Variants in RHCG observed in about 807,000 individuals in gnomAD.
RHCG encodes Rh family C glycoprotein, also known as ammonium transporter Rh type C.
Under a neutral mutation model 55.3 loss-of-function variants are expected in RHCG, and 39 were observed. The observed-to-expected ratio is 0.70, with a 90% CI of 0.55 to 0.92. The LOEUF is 0.92. Ranked by LOEUF, RHCG falls within the 40% of genes least tolerant of loss-of-function variation. RHCG has a pLI of 0.00. For missense variants in RHCG, 635 were observed against 627.9 expected (o/e 1.01, Z -0.12); for synonymous variants, 250 against 246.8 (o/e 1.01, Z -0.12).
chr15:89,476,919 G>T (rs1037190426), intron 8 of RHCG, 91 bp from the exon 9 acceptor site: 1 of 1,534,086 alleles, frequency 6.5e-7, no homozygotes, highest in Non-Finnish European at 9.0e-7. Flanking sequence ...TCCTCCTGGG[G>T]CCCTTGGGCT....
chr15:89,482,084 G>C (rs529730524), intron 3 of RHCG, among the ~76,000 whole-genome samples: 1 of 152,338 alleles, frequency 6.6e-6, no homozygotes, highest in South Asian at 2.1e-4. Context: ...TTACAGGCGT[G>C]AGCCACCGTG....
chr15:89,477,486 C>T lies in RHCG; in HGVS notation c.1112+31G>A, dbSNP rs983609581. 3.1e-6 allele frequency: 5 copies of T among 1,611,064 alleles called. No individual in the cohort carries two copies. The African/African-American group carries it at 4.0e-5, about 13-fold the overall frequency. On this transcript the variant is annotated intron_variant, in intron 7 of 10. Transcript: ENST00000268122. This position sits in a 1 kb window ranked among gnomAD's most constrained non-coding sequence, Gnocchi z 4.5. ...AGGGATGGGAGAAGGAAGGGGGAAGCTCCATCCCACCGCACCTCCTCCACA... is the reference window on the plus strand; with the variant it reads ...AGGGATGGGAGAAGGAAGGGGGAAGTTCCATCCCACCGCACCTCCTCCACA...
intron 1 of RHCG, among the ~76,000 whole-genome samples, chr15:89,495,003 A>C (rs1961540611): frequency 1.3e-5 from 2 of 152,144 alleles, no homozygotes; most frequent in Admixed American, 1.3e-4. Flanking sequence ...GAGGAGAGGA[A>C]AGGTGGACAA....
intron 2 of RHCG, among the ~76,000 whole-genome samples, chr15:89,484,300 A>G (rs1174770342): frequency 6.6e-6 from 1 of 152,206 alleles, no homozygotes; most frequent in Non-Finnish European, 1.5e-5. Flanking sequence ...CCTAAGTGCT[A>G]GGCTCTGGGG....
At chr15:89,492,780 G>A (rs1190773975) in intron 1 of RHCG, among the ~76,000 whole-genome samples, 1 of 152,218 alleles carries the variant, frequency 6.6e-6, no homozygotes, top group Non-Finnish European at 1.5e-5. Context: ...AACTAATATA[G>A]GGAGAGGTGA....
At chr15:89,472,996 C>G in intron 9 of RHCG, 133 bp from the exon 10 acceptor site, 1 of 1,052,804 alleles carries the variant, frequency 9.5e-7, no homozygotes, top group South Asian at 2.0e-5. Flanking sequence ...TCACATGCCA[C>G]GGAGAGCAGG....
chr15:89,489,489 A>G (rs1004862071), intron 1 of RHCG, among the ~76,000 whole-genome samples: 3 of 152,160 alleles, frequency 2.0e-5, no homozygotes, highest in Non-Finnish European at 4.4e-5. Flanking sequence ...ATTATTTCCA[A>G]GTAAACAGTC....
rs1961167834 is a variant in RHCG, at chr15:89,477,207, C to A, written c.1113-1G>T. ...TTGAAAGTCAAAGGAATGGACAAGCCTGGGGTGGAGACAGGGGGCAGGTCA... is the reference window on the plus strand; with the variant it reads ...TTGAAAGTCAAAGGAATGGACAAGCATGGGGTGGAGACAGGGGGCAGGTCA... On this transcript the variant is annotated splice_acceptor_variant, in intron 7 of 10. Coordinates refer to ENST00000268122, the MANE Select transcript of RHCG (RefSeq NM_016321.3). LOFTEE classifies it high-confidence loss of function. This position sits in a 1 kb window ranked among gnomAD's most constrained non-coding sequence, Gnocchi z 4.5. 3 of 1,613,986 alleles carry A rather than the reference C, an allele frequency of 1.9e-6. No individual in the cohort carries two copies. The highest frequency in any genetic ancestry group is 1.7e-6 in the Non-Finnish European group (2 of 1,179,990).
chr15:89,472,217 T>C (rs1207769445), intron 10 of RHCG, among the ~76,000 whole-genome samples: 2 of 152,174 alleles, frequency 1.3e-5, no homozygotes, highest in East Asian at 3.8e-4. Context: ...TGTAGAGATC[T>C]TGGGAAGGTT....
intron 1 of RHCG, 144 bp downstream of exon 1, chr15:89,496,217 G>A (rs2141906354): frequency 2.6e-6 from 2 of 763,514 alleles, no homozygotes; most frequent in East Asian, 2.5e-5. Flanking sequence ...AATTTCCCAC[G>A]CATGCCCTGC....
At chr15:89,494,862 C>T (rs779550907) in intron 1 of RHCG, among the ~76,000 whole-genome samples, 1 of 152,058 alleles carries the variant, frequency 6.6e-6, no homozygotes, top group East Asian at 1.9e-4. Flanking sequence ...GACCTGTGAA[C>T]GCCCATGGGA....
At chr15:89,474,223 G>A (rs1567223710) in intron 9 of RHCG, among the ~76,000 whole-genome samples, 1 of 152,150 alleles carries the variant, frequency 6.6e-6, no homozygotes, top group Non-Finnish European at 1.5e-5. Flanking sequence ...AGGGTGACAG[G>A]ATTTCTATTT....
chr15:89,483,007 A>G (rs556448298), intron 3 of RHCG, 60 bp downstream of exon 3: 249 of 1,469,066 alleles, frequency 1.7e-4, no homozygotes, highest in Admixed American at 5.5e-4. Context: ...CTATTTCTCC[A>G]TACCCTGCTG....
At chr15:89,493,742 G>C (rs1318361688) in intron 1 of RHCG, among the ~76,000 whole-genome samples, 2 of 152,182 alleles carry the variant, frequency 1.3e-5, no homozygotes, top group Admixed American at 1.3e-4. Context: ...GACTAGGGAG[G>C]AGAGTGGGCC....
Position 89,472,738 on chromosome 15 carries a change from G to A in RHCG, c.1437C>T (p.Pro479=). 1.9e-6 allele frequency: 3 copies of A among 1,604,854 alleles called. 1 individual carries two copies. The South Asian group carries it at 3.4e-5, about 18-fold the overall frequency. The change falls in exon 10 of 11, where the codon CCC becomes CCT. Residue 479 remains proline (P), a synonymous_variant. Transcript: ENST00000268122. ...GCTCCTCACCTGCCCTGGGAGCCTA[G>A]GGTACCAAGGGTACCGAGGAAGCCA... ...LPMASSVPLV[P] is the part of the protein sequence containing the mutation.
At chr15:89,485,448 A>G (rs1044764413) in intron 2 of RHCG, among the ~76,000 whole-genome samples, 2 of 152,216 alleles carry the variant, frequency 1.3e-5, no homozygotes, top group Admixed American at 6.5e-5. Context: ...GGTTTGGATG[A>G]AGTAACTTTT....
At chr15:89,496,107 G>A (rs545639617) in intron 1 of RHCG, among the ~76,000 whole-genome samples, 78 of 152,216 alleles carry the variant, frequency 5.1e-4, no homozygotes, top group Non-Finnish European at 9.4e-4. Flanking sequence ...CAGGGATGTT[G>A]GGGGGCTCTG....
At chr15:89,474,169 G>A (rs144495742) in intron 9 of RHCG, among the ~76,000 whole-genome samples, 1 of 152,084 alleles carries the variant, frequency 6.6e-6, no homozygotes, top group Admixed American at 6.6e-5. Flanking sequence ...AGAGAAAAAA[G>A]ATAGAAAGGA....
intron 5 of RHCG, among the ~76,000 whole-genome samples, chr15:89,478,959 G>T (rs1175221606): frequency 1.3e-5 from 2 of 152,104 alleles, no homozygotes; most frequent in African/African-American, 4.8e-5. Context: ...ACTTAGCTGG[G>T]CGTGGTAGCC....
Sources: allele counts gnomAD v4.1 joint callset (sites outside exome capture counted in the v4.1 genomes callset), GRCh38; gene constraint gnomAD v4.1.1; non-coding constraint Gnocchi (gnomAD v3.1); transcripts MANE v1.5; gene names NCBI Gene and HGNC (gene_info 2026-07-23, HGNC 2026-07-21).